The following PTPRN2 variants were observed in gnomAD, a reference collection of about 807,000 sequenced individuals.
The protein encoded by PTPRN2 is protein tyrosine phosphatase receptor type N2, also known as receptor-type tyrosine-protein phosphatase N2.
Under a neutral mutation model 118.8 loss-of-function variants are expected in PTPRN2, and 74 were observed. That is an observed-to-expected ratio of 0.62 (90% CI 0.52 to 0.76). PTPRN2 has a LOEUF of 0.76. PTPRN2 is among the 30% of genes least tolerant of loss of function. The pLI, the probability that PTPRN2 is intolerant of heterozygous loss-of-function variation, is 0.00. For missense variants in PTPRN2, 1,481 were observed against 1,394.4 expected, an observed-to-expected ratio of 1.06 and a Z score of -0.99; for synonymous variants, 641 against 608.0, an observed-to-expected ratio of 1.05 and a Z score of -0.80.
chr7:158,007,428 A>C (rs1805705312), intron 11 of PTPRN2, among the ~76,000 whole-genome samples: 1 of 152,158 alleles, frequency 6.6e-6, no homozygotes, highest in African/African-American at 2.4e-5. Context: ...GGCCACATCA[A>C]GGAGAGAGGA....
In PTPRN2 at chr7:158,171,256, T is replaced by C. The variant is rs867195833; in HGVS notation, c.550-3965A>G. Among the ~76,000 whole-genome samples the C allele has an allele frequency of 1.3e-4, 13 of 101,288 alleles. 1 individual carries two copies. Among genetic ancestry groups the C allele is most frequent in the African/African-American group, 3.1e-4 (7 of 22,366 alleles). The allele number at this position is 101,288 out of a possible 152,430, so 66.4% of individuals were successfully genotyped here. A position where few individuals can be genotyped will look rare whatever the true frequency, so the allele number is the denominator to read the frequency against. ...ATATATATACACATATATACACACATATATATACACACATATATACACACA... is the reference window on the plus strand; with the variant it reads ...ATATATATACACATATATACACACACATATATACACACATATATACACACA... On this transcript the variant is annotated intron_variant, in intron 5 of 22. Coordinates refer to ENST00000389418, the MANE Select transcript of PTPRN2 (RefSeq NM_002847.5).
intron 5 of PTPRN2, among the ~76,000 whole-genome samples, chr7:158,185,296 A>G (rs1825045954): frequency 2.6e-5 from 4 of 152,228 alleles, no homozygotes; most frequent in Non-Finnish European, 2.9e-5. Context: ...AATATTCTAT[A>G]TAACATACTC....
In PTPRN2 at chr7:158,347,569, T is replaced by C. The variant is rs577216251; in HGVS notation, c.164-30637A>G. On this transcript the variant is annotated intron_variant, in intron 2 of 22. Transcript: ENST00000389418. ...CCAGCTTTGTTCCTTTGGCTCCTGA[T>C]TGCCTTGGCTATTCAGGGTTTTATG... Among the ~76,000 whole-genome samples the C allele has an allele frequency of 1.3e-3, 199 of 152,344 alleles. 1 individual carries two copies. Among genetic ancestry groups the C allele is most frequent in the African/African-American group, 4.3e-3 (179 of 41,578 alleles).
At chr7:157,945,708 ACTTGGATGATGCCACCTCCAG>A (rs1373799388) in intron 11 of PTPRN2, among the ~76,000 whole-genome samples, 2 of 146,612 alleles carry the variant, frequency 1.4e-5, no homozygotes, top group African/African-American at 5.1e-5. Context: ...GTCACCTCCA[ACTTGGATGATGCCACCTCCAG>A]CTTGGACAAT....
intron 11 of PTPRN2, among the ~76,000 whole-genome samples, chr7:157,975,404 C>A (rs912817191): frequency 3.3e-5 from 5 of 152,226 alleles, no homozygotes; most frequent in African/African-American, 1.2e-4. Flanking sequence ...TCTCCTCGTC[C>A]CTGTGATGTC....
chr7:157,989,881 C>T (rs1024403817), intron 11 of PTPRN2, among the ~76,000 whole-genome samples: 14 of 152,048 alleles, frequency 9.2e-5, no homozygotes, highest in Non-Finnish European at 1.9e-4. Flanking sequence ...AGGTCTCTGC[C>T]CCCGCATCCC....
chr7:158,125,147 C>T (rs1323144128), intron 9 of PTPRN2, among the ~76,000 whole-genome samples: 1 of 152,128 alleles, frequency 6.6e-6, no homozygotes, highest in Non-Finnish European at 1.5e-5. Flanking sequence ...CACCCCCCTG[C>T]CTCAAGTGCC....
In PTPRN2 at chr7:158,526,416, GCAAC is replaced by G. The variant is rs1438041744; in HGVS notation, c.113-36635_113-36632del. ...CACTCTGAGCTAGGACGGGGCACAG[GCAAC>G]CACGTTCCCACAAACACAGGGTCTG... On this transcript the variant is annotated intron_variant, in intron 1 of 22. Coordinates refer to ENST00000389418, the MANE Select transcript of PTPRN2 (RefSeq NM_002847.5). The surrounding 1 kb of genome is among the most constrained non-coding windows in gnomAD (Gnocchi z 5.2). 6.6e-5 allele frequency among the ~76,000 whole-genome samples: 10 copies of G among 152,238 alleles called. No homozygotes were observed. In the South Asian group the frequency reaches 2.1e-3, roughly 32 times the overall value.
chr7:157,855,969 T>C (rs1809684110), intron 12 of PTPRN2: 1 of 152,230 alleles, frequency 6.6e-6, no homozygotes, highest in African/African-American at 2.4e-5. Flanking sequence ...ATCTCAGTAC[T>C]TGATTTAAGG....
At chr7:158,070,722 T>TG (rs1318771169) in intron 11 of PTPRN2, among the ~76,000 whole-genome samples, 12 of 44,282 alleles carry the variant, frequency 2.7e-4, no homozygotes, top group East Asian at 6.8e-4. Flanking sequence ...GTGCCTGTGG[T>TG]GTGGAGGTGC....
chr7:158,159,585 C>T lies in PTPRN2; in HGVS notation c.910+7346G>A, dbSNP rs879844751. 2.6e-5 allele frequency among the ~76,000 whole-genome samples: 4 copies of T among 152,132 alleles called. 1 individual carries two copies. The highest frequency in any genetic ancestry group is 4.4e-5 in the Non-Finnish European group (3 of 68,030). ...GAAAGGGTTCTAACAGGTTGGTTAC[C>T]GGTTTTGTTTCCCGTTCAGTGTGGC... On this transcript the variant is annotated intron_variant, in intron 6 of 22. Coordinates refer to ENST00000389418, the MANE Select transcript of PTPRN2 (RefSeq NM_002847.5).
intron 3 of PTPRN2, among the ~76,000 whole-genome samples, chr7:158,216,234 C>T (rs531043801): frequency 2.2e-4 from 34 of 151,956 alleles, no homozygotes; most frequent in Admixed American, 2.2e-3. Context: ...CAAAGACATA[C>T]ACTCAAAAAC....
At chr7:157,962,376 C>T (rs1402385647) in intron 11 of PTPRN2, among the ~76,000 whole-genome samples, 1 of 152,192 alleles carries the variant, frequency 6.6e-6, no homozygotes, top group South Asian at 2.1e-4. Flanking sequence ...ATTCCCCTTC[C>T]CGTTTCCTGT....
intron 1 of PTPRN2, among the ~76,000 whole-genome samples, chr7:158,520,516 C>T (rs368652612): frequency 5.3e-5 from 8 of 152,266 alleles, no homozygotes; most frequent in East Asian, 1.9e-4. Flanking sequence ...CAGCTCAGCT[C>T]GAGGCCCCTG....
chr7:158,531,857 C>T (rs1248644880), intron 1 of PTPRN2, among the ~76,000 whole-genome samples: 1 of 152,182 alleles, frequency 6.6e-6, no homozygotes, highest in African/African-American at 2.4e-5. Context: ...GCCACGCTGG[C>T]TCCAACCTAC....
intron 11 of PTPRN2, among the ~76,000 whole-genome samples, chr7:157,900,043 A>T (rs1218445784): frequency 1.3e-5 from 2 of 152,320 alleles, no homozygotes. Context: ...TGAGGAACAG[A>T]AAGTGAGTAC....
chr7:158,086,041 A>G (rs536471856), intron 10 of PTPRN2, among the ~76,000 whole-genome samples: 1 of 152,204 alleles, frequency 6.6e-6, no homozygotes, highest in Non-Finnish European at 1.5e-5. Context: ...CACACAGAGC[A>G]CTTCCTTCCC....
At chr7:157,733,044 T>C (rs1800037842) in intron 12 of PTPRN2, among the ~76,000 whole-genome samples, 1 of 37,908 alleles carries the variant, frequency 2.6e-5, no homozygotes. Context: ...CCCAGCACAG[T>C]TACCCTTTTC....
intron 10 of PTPRN2, among the ~76,000 whole-genome samples, chr7:158,106,918 G>A (rs1376361655): frequency 1.3e-5 from 2 of 152,148 alleles, no homozygotes; most frequent in Non-Finnish European, 2.9e-5. Flanking sequence ...TTAAGATCCT[G>A]GAAGCATCTC....
Sources: gnomAD v4.1 joint callset for allele counts (sites outside exome capture counted in the v4.1 genomes callset) on GRCh38, gnomAD v4.1.1 for gene constraint, Gnocchi (gnomAD v3.1) non-coding constraint, MANE v1.5 for transcripts, NCBI Gene and HGNC (gene_info 2026-07-23, HGNC 2026-07-21) for gene names.